MALRD1: variants seen among roughly 807,000 people sequenced by gnomAD.
The protein encoded by MALRD1 is MAM and LDL-receptor class A domain-containing protein 1.
A neutral mutation model predicts 242.1 loss-of-function variants in MALRD1; 247 were observed. The ratio of observed to expected loss-of-function variants is 1.02; its 90% CI spans 0.92 to 1.13. MALRD1 has a LOEUF of 1.13. MALRD1 is among the 50% of genes most tolerant of loss of function. MALRD1 has a pLI of 0.00. For synonymous variants in MALRD1, 995 were observed against 866.6 expected (o/e 1.15, Z -2.60); for missense variants, 2,989 against 2,533.1 (o/e 1.18, Z -3.86).
At chr10:19,671,121 A>G (rs948887187) in intron 36 of MALRD1, among the ~76,000 whole-genome samples, 2 of 152,082 alleles carry the variant, frequency 1.3e-5, no homozygotes, top group African/African-American at 4.8e-5. Context: ...ATGATTTTCT[A>G]AAAGATATTT....
At chr10:19,513,006 G>T (rs1214626416) in intron 31 of MALRD1, among the ~76,000 whole-genome samples, 1 of 152,168 alleles carries the variant, frequency 6.6e-6, no homozygotes, top group Non-Finnish European at 1.5e-5. Flanking sequence ...CATTTCAGGT[G>T]TGTAGCACTG....
At chr10:19,344,861 A>G (rs931395633) in intron 24 of MALRD1, among the ~76,000 whole-genome samples, 1 of 152,062 alleles carries the variant, frequency 6.6e-6, no homozygotes, top group African/African-American at 2.4e-5. Context: ...TGTAAGAGAC[A>G]TTGATCAATG....
At chr10:19,230,822 G>A (rs1038711591) in intron 18 of MALRD1, among the ~76,000 whole-genome samples, 14 of 152,054 alleles carry the variant, frequency 9.2e-5, no homozygotes, top group African/African-American at 2.9e-4. Flanking sequence ...TGAAATGCAA[G>A]GCAAATGCAT....
At position 19,595,217 on chromosome 10, in the gene MALRD1, C is replaced by G; in HGVS notation, c.5704C>G (p.Pro1902Ala). ...TGGPVPVQPS[P>A]CEADQFSCIY... ...AGGTCCTGTCCCAGTGCAGCCATCACCCTGTGAAGCTGATCAGTTTTCTTG... is the reference window on the plus strand; with the variant it reads ...AGGTCCTGTCCCAGTGCAGCCATCAGCCTGTGAAGCTGATCAGTTTTCTTG... The change falls in exon 34 of 40, where the codon CCC (proline) becomes GCC (alanine). Residue 1902 changes from proline (P) to alanine (A), a missense_variant. Pro to Ala is a conservative substitution (Grantham distance 27). Coordinates refer to ENST00000454679, the MANE Select transcript of MALRD1 (RefSeq NM_001142308.3). 1 of 1,550,034 alleles carries G rather than the reference C, an allele frequency of 6.5e-7. No individual in the cohort carries two copies. Among genetic ancestry groups the G allele is most frequent in the Non-Finnish European group, 8.7e-7 (1 of 1,146,704 alleles).
rs750151539 is a variant in MALRD1, at chr10:19,730,745, A to G, written c.6354A>G (p.Pro2118=). Residue 2118 remains proline (P), a synonymous_variant, in exon 39 of 40, where the codon CCA becomes CCG. Coordinates refer to ENST00000454679, the MANE Select transcript of MALRD1 (RefSeq NM_001142308.3). ...EGSGNCAFVN[P]VYGNWSNPEK... ...GTGGTAACTGTGCCTTTGTCAATCC[A>G]GTTTACGGGAACTGGAGCAACCCAG... 16 of 1,536,706 alleles carry G rather than the reference A, an allele frequency of 1.0e-5. No individual in the cohort carries two copies. The highest frequency in any genetic ancestry group is 1.4e-5 in the Non-Finnish European group (16 of 1,147,036).
chr10:19,300,040 TG>T (rs1342510468), intron 21 of MALRD1, among the ~76,000 whole-genome samples: 1 of 151,916 alleles, frequency 6.6e-6, no homozygotes, highest in Non-Finnish European at 1.5e-5. Context: ...ACAAAATCAA[TG>T]TACAAAAGTC....
intron 26 of MALRD1, among the ~76,000 whole-genome samples, chr10:19,372,410 T>C (rs1304247741): frequency 2.6e-5 from 4 of 152,116 alleles, no homozygotes; most frequent in Non-Finnish European, 5.9e-5. Flanking sequence ...AAAATGATTT[T>C]ATCCAAAGTG....
intron 22 of MALRD1, among the ~76,000 whole-genome samples, chr10:19,326,596 T>C (rs1843144647): frequency 1.3e-5 from 2 of 152,232 alleles, no homozygotes; most frequent in South Asian, 4.1e-4. Context: ...TTCTTGACCT[T>C]GATAATGTTC....
intron 5 of MALRD1, among the ~76,000 whole-genome samples, chr10:19,116,805 A>G (rs1375862439): frequency 2.0e-5 from 3 of 152,232 alleles, no homozygotes; most frequent in African/African-American, 7.2e-5. Context: ...TAAGAGAAAA[A>G]GAGTTGGGCA....
intron 36 of MALRD1, among the ~76,000 whole-genome samples, chr10:19,644,315 C>T (rs1053063820): frequency 6.6e-6 from 1 of 152,188 alleles, no homozygotes; most frequent in Non-Finnish European, 1.5e-5. Flanking sequence ...TTCCTGAGCT[C>T]ATTTTAGATA....
Position 19,101,522 on chromosome 10 carries a change from T to A in MALRD1, c.598-2457T>A, listed in dbSNP as rs1836253913. 2.2e-5 allele frequency among the ~76,000 whole-genome samples: 3 copies of A among 136,904 alleles called. No individual in the cohort carries two copies. In the South Asian group the frequency reaches 6.7e-4, roughly 31 times the overall value. The allele number at this position is 136,904 out of a possible 152,430, so 89.8% of individuals were successfully genotyped here. On this transcript the variant is annotated intron_variant, in intron 4 of 39. Transcript: ENST00000454679. ...ATAGCATATGTATATCATTATATAATATATAATATTGATATTATAACATAT... is the reference window on the plus strand; with the variant it reads ...ATAGCATATGTATATCATTATATAAAATATAATATTGATATTATAACATAT...
intron 10 of MALRD1, among the ~76,000 whole-genome samples, chr10:19,142,067 G>A (rs1833563100): frequency 6.6e-6 from 1 of 151,188 alleles, no homozygotes. Context: ...AGCTACTCGG[G>A]AGGCTGAGGC....
At chr10:19,460,407 C>G (rs1441074864) in intron 29 of MALRD1, among the ~76,000 whole-genome samples, 1 of 151,110 alleles carries the variant, frequency 6.6e-6, no homozygotes, top group Non-Finnish European at 1.5e-5. Flanking sequence ...CTTGTCTATT[C>G]CACTTAATGG....
At position 19,180,468 on chromosome 10, in the gene MALRD1, GA is replaced by G. The variant is rs1176105444; in HGVS notation, c.1951+5146del. Reference sequence around the variant, plus strand: ...AAAGGCACCAAGAGGACACAGTAGGGAAAAAATAGTCTCGTCAGTAAATGGT... The same window carrying G: ...AAAGGCACCAAGAGGACACAGTAGGGAAAAATAGTCTCGTCAGTAAATGGT... On this transcript the variant is annotated intron_variant, in intron 14 of 39. Transcript: ENST00000454679. Among the ~76,000 whole-genome samples, 2 of 152,154 alleles carry G rather than the reference GA, an allele frequency of 1.3e-5. 1 individual carries two copies. The highest frequency in any genetic ancestry group is 4.1e-4 in the South Asian group (2 of 4,834).
intron 21 of MALRD1, among the ~76,000 whole-genome samples, chr10:19,294,594 T>G (rs969740538): frequency 6.6e-6 from 1 of 152,188 alleles, no homozygotes; most frequent in African/African-American, 2.4e-5. Context: ...AAAGTTTTAC[T>G]TACTGAAAGA....
chr10:19,210,062 T>C (rs1306561814), intron 18 of MALRD1, among the ~76,000 whole-genome samples: 1 of 152,214 alleles, frequency 6.6e-6, no homozygotes, highest in Non-Finnish European at 1.5e-5. Context: ...TTATTTTTAT[T>C]ATTTTATAGG....
chr10:19,258,808 C>G (rs1043053897), intron 19 of MALRD1, among the ~76,000 whole-genome samples: 8 of 152,068 alleles, frequency 5.3e-5, no homozygotes, highest in Non-Finnish European at 1.2e-4. Context: ...ACAAATTTAC[C>G]CTTACCTCTC....
At chr10:19,566,219 C>T (rs1836240617) in intron 32 of MALRD1, among the ~76,000 whole-genome samples, 1 of 151,926 alleles carries the variant, frequency 6.6e-6, no homozygotes, top group Admixed American at 6.6e-5. Flanking sequence ...AACTCCACTT[C>T]CCGGGTTCAC....
intron 21 of MALRD1, among the ~76,000 whole-genome samples, chr10:19,292,487 G>A (rs1309408171): frequency 6.6e-6 from 1 of 152,032 alleles, no homozygotes; most frequent in Admixed American, 6.6e-5. Context: ...AACACTGATC[G>A]TTATCTTTCA....
Sources: allele counts gnomAD v4.1 joint callset (sites outside exome capture counted in the v4.1 genomes callset), GRCh38; gene constraint gnomAD v4.1.1; transcripts MANE v1.5; gene names NCBI Gene and HGNC (gene_info 2026-07-23, HGNC 2026-07-21).